The following DMD variants were observed in gnomAD, a reference collection of about 807,000 sequenced individuals.
DMD encodes dystrophin.
A neutral mutation model predicts 330.1 loss-of-function variants in DMD; 63 were observed. The ratio of observed to expected loss-of-function variants is 0.19; its 90% CI spans 0.16 to 0.24. The LOEUF is 0.24. Among genes scored for constraint, DMD ranks in the 10% least tolerant of loss-of-function variants. The pLI is 1.00. For missense variants in DMD, 3,344 were observed against 2,684.1 expected (o/e 1.25, Z -5.43); for synonymous variants, 1,223 against 959.8 (o/e 1.27, Z -5.07).
At chrX:31,402,368 T>C (rs2061228531) in intron 60 of DMD, among the ~76,000 whole-genome samples, 1 of 111,817 alleles carries the variant, frequency 8.9e-6, no homozygotes, top group East Asian at 2.8e-4. Context: ...GGAAATCAGG[T>C]ATAGGGCTGC....
chrX:32,731,248 C>T (rs991586648), intron 7 of DMD, among the ~76,000 whole-genome samples: 6 of 112,351 alleles, frequency 5.3e-5, no homozygotes, highest in African/African-American at 1.9e-4. Context: ...CTGCATCTGG[C>T]TCGGAGGGTC....
intron 1 of DMD, among the ~76,000 whole-genome samples, chrX:33,286,483 A>T (rs2053434551): frequency 8.9e-6 from 1 of 112,216 alleles, no homozygotes; most frequent in African/African-American, 3.2e-5. Flanking sequence ...ATTCAAATAC[A>T]TGTGAAAACA....
chrX:32,947,424 T>G (rs1184045491), intron 2 of DMD, among the ~76,000 whole-genome samples: 2 of 112,093 alleles, frequency 1.8e-5, no homozygotes, highest in African/African-American at 6.5e-5. Flanking sequence ...TTGGGGCCAC[T>G]TTCCCTCTGA....
At chrX:31,365,889 T>C (rs1356999019) in intron 60 of DMD, among the ~76,000 whole-genome samples, 7 of 112,662 alleles carry the variant, frequency 6.2e-5, no homozygotes, top group Non-Finnish European at 1.3e-4. Flanking sequence ...TGTCTGGGTC[T>C]AAACCGATTA....
chrX:32,246,690 G>C (rs999775623), intron 43 of DMD, among the ~76,000 whole-genome samples: 2 of 101,066 alleles, frequency 2.0e-5, no homozygotes, highest in Admixed American at 2.2e-4. Context: ...GTTTAGTCTT[G>C]GGAGAGTGTA....
intron 50 of DMD, among the ~76,000 whole-genome samples, chrX:31,790,453 T>C (rs1177908251): frequency 8.9e-6 from 1 of 111,997 alleles, no homozygotes; most frequent in African/African-American, 3.2e-5. Context: ...TGAATCAGAT[T>C]TATTATTATG....
At chrX:31,761,874 T>C (rs2089619371) in intron 51 of DMD, among the ~76,000 whole-genome samples, 1 of 112,353 alleles carries the variant, frequency 8.9e-6, no homozygotes, top group Non-Finnish European at 1.9e-5. Context: ...AAAATGTGCA[T>C]TATTAAGAGT....
intron 54 of DMD, among the ~76,000 whole-genome samples, chrX:31,634,082 C>T (rs1056062430): frequency 1.8e-5 from 2 of 112,440 alleles, no homozygotes; most frequent in African/African-American, 6.4e-5. Flanking sequence ...TTTTAGAGCA[C>T]AAATTTAATT....
chrX:33,013,079 T>C (rs1416998029), intron 2 of DMD, among the ~76,000 whole-genome samples: 1 of 110,646 alleles, frequency 9.0e-6, no homozygotes, highest in African/African-American at 3.3e-5. Flanking sequence ...AATTTGATGA[T>C]TTGTCCCAAA....
At chrX:32,378,220 T>A (rs1454478771) in intron 34 of DMD, among the ~76,000 whole-genome samples, 11 of 110,342 alleles carry the variant, frequency 1.0e-4, no homozygotes, top group Non-Finnish European at 2.1e-4. Flanking sequence ...TGGCGCCAAT[T>A]TGTGGCTTTA....
intron 55 of DMD, among the ~76,000 whole-genome samples, chrX:31,512,725 T>C (rs140988523): frequency 0.13 from 14,397 of 111,350 alleles, 811 homozygotes; most frequent in South Asian, 0.37. Context: ...CCATGTTGTT[T>C]TGGTTACTGT....
intron 7 of DMD, among the ~76,000 whole-genome samples, chrX:32,720,068 AACAAG>A (rs1453392402): frequency 1.8e-5 from 2 of 111,183 alleles, no homozygotes; most frequent in Non-Finnish European, 3.8e-5. Context: ...AAGTAAAGCA[AACAAG>A]ACAACATTAC....
intron 1 of DMD, among the ~76,000 whole-genome samples, chrX:33,315,762 G>A (rs1258605491): frequency 1.8e-5 from 2 of 111,638 alleles, no homozygotes; most frequent in Non-Finnish European, 1.9e-5. Flanking sequence ...CCTAAATTTC[G>A]CCATATAAGG....
intron 1 of DMD, among the ~76,000 whole-genome samples, chrX:33,058,515 A>G (rs1036942653): frequency 9.4e-6 from 1 of 106,711 alleles, no homozygotes; most frequent in Admixed American, 1.0e-4. Context: ...GTTGCCCAGG[A>G]TAGTCTAAAA....
At position 33,014,484 on chromosome X, in the gene DMD, G is replaced by A. The variant is rs145403882; in HGVS notation, c.93+5655C>T. Among the ~76,000 whole-genome samples the A allele has an allele frequency of 0.012, 1,326 of 111,711 alleles. 25 individuals carry two copies. The highest frequency in any genetic ancestry group is 0.041 in the African/African-American group (1,253 of 30,773). The stretch of plus-strand genomic sequence containing the variant: ...GAAGTAGAAGAATGCAAAATGTTAC[G>A]GAGATTGAATTTCTCACCAGTCAGA... On this transcript the variant is annotated intron_variant, in intron 2 of 78. Transcript: ENST00000357033.
At chrX:31,353,024 G>A (rs2058505855) in intron 60 of DMD, among the ~76,000 whole-genome samples, 1 of 111,402 alleles carries the variant, frequency 9.0e-6, no homozygotes, top group Non-Finnish European at 1.9e-5. Context: ...CTTATGTTCT[G>A]GCACAATCAG....
chrX:31,166,949 G>C (rs990564878), intron 74 of DMD, among the ~76,000 whole-genome samples: 2 of 111,502 alleles, frequency 1.8e-5, no homozygotes, highest in East Asian at 2.8e-4. Context: ...TGTTCTTTTA[G>C]AGAACAAACC....
chrX:31,944,482 T>TTA (rs1275299119), intron 45 of DMD, among the ~76,000 whole-genome samples: 10 of 98,080 alleles, frequency 1.0e-4, no homozygotes, highest in African/African-American at 3.5e-4. Flanking sequence ...AATTACCACT[T>TTA]TTTTTTTTTT....
intron 51 of DMD, among the ~76,000 whole-genome samples, chrX:31,748,882 T>A (rs1698159870): frequency 1.8e-5 from 2 of 111,421 alleles, no homozygotes; most frequent in African/African-American, 6.5e-5. Flanking sequence ...ATGGCCCATA[T>A]CCTCCTTTTC....
Sources: gnomAD v4.1 joint callset for allele counts (sites outside exome capture counted in the v4.1 genomes callset) on GRCh38, gnomAD v4.1.1 for gene constraint, MANE v1.5 for transcripts, NCBI Gene and HGNC (gene_info 2026-07-23, HGNC 2026-07-21) for gene names.